Variants in KCNQ3 observed in about 807,000 individuals in gnomAD.
KCNQ3 encodes the protein potassium voltage-gated channel subfamily KQT member 3.
KCNQ3 carries 30 observed loss-of-function variants against 92.5 expected under a neutral mutation model. That is an observed-to-expected ratio of 0.32 (90% CI 0.24 to 0.44). The LOEUF (loss-of-function observed/expected upper bound fraction) is 0.44, where lower values mean the gene tolerates loss of function less well. KCNQ3 is among the 20% of genes least tolerant of loss of function. The pLI is 1.00. For missense variants in KCNQ3, 913 were observed against 1,140.3 expected, an observed-to-expected ratio of 0.80 and a Z score of 2.87; for synonymous variants, 450 against 468.8, an observed-to-expected ratio of 0.96 and a Z score of 0.52.
intron 1 of KCNQ3, among the ~76,000 whole-genome samples, chr8:132,327,267 G>A (rs975776586): frequency 6.6e-6 from 1 of 152,130 alleles, no homozygotes; most frequent in East Asian, 1.9e-4. Context: ...GAGGTAATAG[G>A]TACTGAGGGA....
chr8:132,355,390 T>C (rs1326400807), intron 1 of KCNQ3, among the ~76,000 whole-genome samples: 1 of 151,878 alleles, frequency 6.6e-6, no homozygotes, highest in Non-Finnish European at 1.5e-5. Context: ...AGAGAAGCTG[T>C]CCCTCCGTTA....
intron 1 of KCNQ3, among the ~76,000 whole-genome samples, chr8:132,194,776 T>G (rs998337476): frequency 6.6e-6 from 1 of 152,198 alleles, no homozygotes; most frequent in Non-Finnish European, 1.5e-5. Context: ...CAGGAAACCT[T>G]AAGAAGGACC....
intron 1 of KCNQ3, among the ~76,000 whole-genome samples, chr8:132,254,124 C>A (rs1256315565): frequency 1.3e-5 from 2 of 152,222 alleles, no homozygotes; most frequent in South Asian, 2.1e-4. Flanking sequence ...AGGACTTACC[C>A]TAGACCGACT....
intron 1 of KCNQ3, among the ~76,000 whole-genome samples, chr8:132,415,490 C>T (rs529338047): frequency 2.0e-5 from 3 of 152,324 alleles, no homozygotes; most frequent in South Asian, 4.1e-4. Flanking sequence ...GCCCAGCCCC[C>T]GGCTGCAGAA....
At chr8:132,219,734 T>C (rs1814157189) in intron 1 of KCNQ3, among the ~76,000 whole-genome samples, 1 of 152,212 alleles carries the variant, frequency 6.6e-6, no homozygotes, top group Non-Finnish European at 1.5e-5. Flanking sequence ...CCACTAATCC[T>C]CTTGTCCTGC....
At chr8:132,378,167 G>T in intron 1 of KCNQ3, among the ~76,000 whole-genome samples, 1 of 152,178 alleles carries the variant, frequency 6.6e-6, no homozygotes, top group Admixed American at 6.5e-5. Context: ...GCCACGGTGG[G>T]TGGATCGTTG....
At chr8:132,168,175 G>A (rs778388924) in intron 8 of KCNQ3, among the ~76,000 whole-genome samples, 12 of 152,018 alleles carry the variant, frequency 7.9e-5, no homozygotes, top group African/African-American at 2.2e-4. Context: ...CTCCCCCTTC[G>A]AACTGCTTTT....
intron 1 of KCNQ3, among the ~76,000 whole-genome samples, chr8:132,228,381 G>C (rs1441127528): frequency 2.0e-5 from 3 of 152,182 alleles, no homozygotes; most frequent in African/African-American, 7.2e-5. Flanking sequence ...GAGAGAGAGA[G>C]AGAGAGAGAG....
intron 1 of KCNQ3, among the ~76,000 whole-genome samples, chr8:132,302,700 T>G (rs748468170): frequency 2.0e-5 from 3 of 152,200 alleles, no homozygotes; most frequent in Non-Finnish European, 2.9e-5. Context: ...GAAAAGCAGT[T>G]TCCTGGCACT....
chr8:132,201,008 T>TAACATGGCAGAAGGTACC (rs1827441624), intron 1 of KCNQ3, among the ~76,000 whole-genome samples: 1 of 152,180 alleles, frequency 6.6e-6, no homozygotes. Context: ...TGTCATGTCA[T>TAACATGGCAGAAGGTACC]AACATGGCAG....
intron 1 of KCNQ3, among the ~76,000 whole-genome samples, chr8:132,428,897 C>A (rs4736583): frequency 0.59 from 89,978 of 151,808 alleles, 27,129 homozygotes; most frequent in African/African-American, 0.64. Context: ...GGAAACAAAC[C>A]TCCAAACAGA....
At chr8:132,409,881 GA>G (rs1455846098) in intron 1 of KCNQ3, among the ~76,000 whole-genome samples, 1 of 152,202 alleles carries the variant, frequency 6.6e-6, no homozygotes, top group East Asian at 1.9e-4. Flanking sequence ...CCTTGGTCAT[GA>G]TTATAAGGGT....
intron 1 of KCNQ3, among the ~76,000 whole-genome samples, chr8:132,274,934 G>A (rs1816276548): frequency 6.6e-6 from 1 of 152,146 alleles, no homozygotes. Flanking sequence ...AAGCAAAGAG[G>A]TCCAATCAGC....
chr8:132,242,819 A>C (rs1815038836), intron 1 of KCNQ3, among the ~76,000 whole-genome samples: 5 of 152,192 alleles, frequency 3.3e-5, no homozygotes, highest in Admixed American at 3.3e-4. Context: ...AGCAATGTTT[A>C]TGTTCATTTA....
intron 1 of KCNQ3, among the ~76,000 whole-genome samples, chr8:132,460,559 T>G (rs1822039066): frequency 6.6e-6 from 1 of 152,142 alleles, no homozygotes; most frequent in Non-Finnish European, 1.5e-5. Flanking sequence ...ACAACAGCAC[T>G]TACGTACTAG....
At chr8:132,429,017 A>G (rs774283503) in intron 1 of KCNQ3, among the ~76,000 whole-genome samples, 2 of 152,224 alleles carry the variant, frequency 1.3e-5, no homozygotes, top group Non-Finnish European at 2.9e-5. Context: ...GCCATTCCAG[A>G]CCATCAACTA....
At chr8:132,194,241 C>G (rs1394567189) in intron 1 of KCNQ3, among the ~76,000 whole-genome samples, 2 of 152,196 alleles carry the variant, frequency 1.3e-5, no homozygotes. Flanking sequence ...TAGTTAGCTG[C>G]ACTTGTCCTA....
intron 1 of KCNQ3, among the ~76,000 whole-genome samples, chr8:132,199,988 G>GT (rs1194246899): frequency 6.6e-6 from 1 of 151,328 alleles, no homozygotes; most frequent in East Asian, 1.9e-4. Context: ...TCAAATGCTA[G>GT]TTTTTTACCT....
At chr8:132,290,777 G>A (rs1452145972) in intron 1 of KCNQ3, among the ~76,000 whole-genome samples, 1 of 152,162 alleles carries the variant, frequency 6.6e-6, no homozygotes, top group Admixed American at 6.6e-5. Flanking sequence ...TACCTAAACA[G>A]CAATAACAAT....
Sources: gnomAD v4.1 joint callset for allele counts (sites outside exome capture counted in the v4.1 genomes callset) on GRCh38, gnomAD v4.1.1 for gene constraint, MANE v1.5 for transcripts, NCBI Gene and HGNC (gene_info 2026-07-23, HGNC 2026-07-21) for gene names.